Variants in DAAM1 observed in about 807,000 individuals in gnomAD.
DAAM1 encodes the protein disheveled-associated activator of morphogenesis 1.
A neutral mutation model predicts 130.0 loss-of-function variants in DAAM1; 52 were observed. The ratio of observed to expected loss-of-function variants is 0.40; its 90% CI spans 0.32 to 0.50. The LOEUF is 0.50. Among genes scored for constraint, DAAM1 ranks in the 20% least tolerant of loss-of-function variants. DAAM1 has a pLI of 0.61. For synonymous variants in DAAM1, 452 were observed against 444.5 expected, an observed-to-expected ratio of 1.02 and a Z score of -0.21; for missense variants, 1,134 against 1,303.8, an observed-to-expected ratio of 0.87 and a Z score of 2.01.
chr14:59,247,531 T>G (rs1594778579), intron 1 of DAAM1, among the ~76,000 whole-genome samples: 1 of 152,182 alleles, frequency 6.6e-6, no homozygotes, highest in Non-Finnish European at 1.5e-5. Flanking sequence ...GGATGTTATT[T>G]GTATCTTCTT....
chr14:59,339,964 G>A, intron 15 of DAAM1, 110 bp from the exon 16 acceptor site: 1 of 845,636 alleles, frequency 1.2e-6, no homozygotes, highest in Non-Finnish European at 1.9e-6. Context: ...TTGCCCATGT[G>A]TATACGAGTG....
At chr14:59,208,226 A>G (rs1171418016) in intron 1 of DAAM1, among the ~76,000 whole-genome samples, 2 of 152,228 alleles carry the variant, frequency 1.3e-5, no homozygotes, top group African/African-American at 4.8e-5. Flanking sequence ...TTGACCGAAT[A>G]GACACCCTGT....
Position 59,188,751 on chromosome 14 carries a change from C to G in DAAM1, c.-55C>G, listed in dbSNP as rs954677082. The G allele has an allele frequency of 6.5e-6, 1 of 152,908 alleles. No homozygotes were observed. The highest frequency in any genetic ancestry group is 1.5e-5 in the Non-Finnish European group (1 of 68,250). 9.5% of individuals were successfully genotyped at this position (152,908 alleles called of 1,614,324 possible). A position where few individuals can be genotyped will look rare whatever the true frequency, so the allele number is the denominator to read the frequency against. On this transcript the variant is annotated 5_prime_UTR_variant, in exon 1 of 25. Transcript: ENST00000360909. The stretch of plus-strand genomic sequence containing the variant: ...CCAGAGTGCAGAGCCGCCTTTCCAG[C>G]ATGCAGGGGCTGCTCAGGTAAGGGG...
intron 2 of DAAM1, among the ~76,000 whole-genome samples, chr14:59,279,773 T>C (rs1356702560): frequency 6.6e-6 from 1 of 152,102 alleles, no homozygotes; most frequent in Non-Finnish European, 1.5e-5. Context: ...CACGTGGTGA[T>C]CAAAATATTA....
At chr14:59,346,894 A>G (rs1486246036) in intron 16 of DAAM1, among the ~76,000 whole-genome samples, 1 of 152,246 alleles carries the variant, frequency 6.6e-6, no homozygotes, top group African/African-American at 2.4e-5. Flanking sequence ...ATGAGACATT[A>G]ACTAGATAAG....
intron 1 of DAAM1, among the ~76,000 whole-genome samples, chr14:59,262,569 T>C (rs941878370): frequency 2.0e-5 from 3 of 152,192 alleles, no homozygotes; most frequent in Non-Finnish European, 4.4e-5. Flanking sequence ...TTAAATCATG[T>C]ACTCCTATAG....
Position 59,367,588 on chromosome 14 carries a change from A to C in DAAM1, c.2986A>C (p.Met996Leu). Residue 996 changes from methionine to leucine, a missense_variant, in exon 24 of 25, where the codon ATG (methionine) becomes CTG (leucine). This residue lies in a region of DAAM1 where 644 missense variants were observed against 695.9 expected (regional missense o/e 0.93). Transcript: ENST00000360909. ...KKEEEERRAR[M>L]EAQLKEQRER... Reference sequence around the variant, plus strand: ...GGAGGAAGAAGAACGTCGAGCTCGCATGGAAGCTCAGGTGAGAGGATGATT... The same window carrying C: ...GGAGGAAGAAGAACGTCGAGCTCGCCTGGAAGCTCAGGTGAGAGGATGATT... 1 of 1,613,318 alleles carries C rather than the reference A, an allele frequency of 6.2e-7. No homozygotes were observed. Among genetic ancestry groups the C allele is most frequent in the Middle Eastern group, 1.7e-4 (1 of 6,058 alleles).
At chr14:59,361,655 G>T (rs560058497) in intron 22 of DAAM1, among the ~76,000 whole-genome samples, 2 of 152,320 alleles carry the variant, frequency 1.3e-5, no homozygotes, top group Non-Finnish European at 2.9e-5. Context: ...AGGATGAAAC[G>T]TGCCTGTTGG....
chr14:59,303,831 C>G (rs1057430226), intron 3 of DAAM1, among the ~76,000 whole-genome samples: 1 of 152,032 alleles, frequency 6.6e-6, no homozygotes, highest in African/African-American at 2.4e-5. Flanking sequence ...ACCCAGGAGG[C>G]GGAGGTTGCA....
At chr14:59,299,213 A>G (rs1423312410) in intron 3 of DAAM1, among the ~76,000 whole-genome samples, 1 of 152,210 alleles carries the variant, frequency 6.6e-6, no homozygotes, top group Admixed American at 6.5e-5. Context: ...TGTGTAATAC[A>G]ATTTTTTCTA....
At chr14:59,224,239 C>T (rs1461105985) in intron 1 of DAAM1, among the ~76,000 whole-genome samples, 3 of 152,202 alleles carry the variant, frequency 2.0e-5, no homozygotes, top group Non-Finnish European at 2.9e-5. Context: ...ACAGCAGCTG[C>T]AATTGGAATC....
At chr14:59,293,576 A>G (rs1394832501) in intron 3 of DAAM1, among the ~76,000 whole-genome samples, 5 of 152,152 alleles carry the variant, frequency 3.3e-5, no homozygotes, top group South Asian at 2.1e-4. Context: ...CTTCATTCCA[A>G]CAGCTTGGCT....
chr14:59,225,019 G>GGTTTTTT lies in DAAM1; in HGVS notation c.-38+36251_-38+36252insGTTTTTT, dbSNP rs1566656869. 9.9e-5 allele frequency among the ~76,000 whole-genome samples: 9 copies of GGTTTTTT among 90,782 alleles called. 1 individual carries two copies. Among genetic ancestry groups the GGTTTTTT allele is most frequent in the African/African-American group, 1.9e-4 (4 of 21,418 alleles). 59.6% of individuals were successfully genotyped at this position (90,782 alleles called of 152,430 possible). ...GACTGTAAGAAATAAATCTGTGTGG[G>GGTTTTTT]TTTTTTTTTTTTTTTTTTTTTTTTT... On this transcript the variant is annotated intron_variant, in intron 1 of 24. Coordinates refer to ENST00000360909, the MANE Select transcript of DAAM1 (RefSeq NM_001270520.2).
intron 12 of DAAM1, among the ~76,000 whole-genome samples, chr14:59,328,306 A>G (rs1885287499): frequency 6.6e-6 from 1 of 152,238 alleles, no homozygotes; most frequent in Admixed American, 6.5e-5. Context: ...TAAAAAATAA[A>G]TTTCAGAAAC....
chr14:59,257,421 G>A (rs1374514856), intron 1 of DAAM1, among the ~76,000 whole-genome samples: 2 of 151,826 alleles, frequency 1.3e-5, no homozygotes, highest in African/African-American at 2.4e-5. Context: ...TGCTAGAGGT[G>A]TAGAAAGAAA....
chr14:59,278,342 T>C (rs1212059220), intron 2 of DAAM1, among the ~76,000 whole-genome samples: 3 of 152,142 alleles, frequency 2.0e-5, no homozygotes, highest in African/African-American at 7.2e-5. Flanking sequence ...TCATGACTAA[T>C]GAGCAAGGAA....
At chr14:59,250,903 A>T (rs190729791) in intron 1 of DAAM1, among the ~76,000 whole-genome samples, 18 of 152,280 alleles carry the variant, frequency 1.2e-4, no homozygotes, top group Admixed American at 1.0e-3. Flanking sequence ...TTTATTCTGA[A>T]TATGTTCATT....
intron 1 of DAAM1, among the ~76,000 whole-genome samples, chr14:59,206,650 T>C (rs546630143): frequency 7.2e-5 from 11 of 152,360 alleles, no homozygotes; most frequent in African/African-American, 2.6e-4. Flanking sequence ...GAAAAAAGAT[T>C]AGAGTTTCTA....
intron 15 of DAAM1, among the ~76,000 whole-genome samples, chr14:59,336,656 G>T (rs1885638709): frequency 6.6e-6 from 1 of 152,178 alleles, no homozygotes; most frequent in African/African-American, 2.4e-5. Flanking sequence ...GAAAGAAAAT[G>T]TATTACATAG....
Sources: allele counts gnomAD v4.1 joint callset (sites outside exome capture counted in the v4.1 genomes callset), GRCh38; gene constraint gnomAD v4.1.1; regional missense constraint gnomAD v4.1.1; transcripts MANE v1.5; gene names NCBI Gene and HGNC (gene_info 2026-07-23, HGNC 2026-07-21).